SEC13: variants seen among roughly 807,000 people sequenced by gnomAD.
SEC13 encodes the protein SEC13 homolog, nuclear pore and COPII component.
A neutral mutation model predicts 49.2 loss-of-function variants in SEC13; 25 were observed. The observed-to-expected ratio is 0.51, with a 90% confidence interval of 0.37 to 0.71. The LOEUF (loss-of-function observed/expected upper bound fraction) is 0.71. Among genes scored for constraint, SEC13 ranks in the 30% least tolerant of loss-of-function variants. The probability of loss-of-function intolerance (pLI) is 0.00; values close to 1 mark genes in which losing one functional copy is unlikely to be tolerated. For missense variants in SEC13, 383 were observed against 417.6 expected (o/e 0.92, Z 0.72); for synonymous variants, 148 against 163.9 (o/e 0.90, Z 0.74).
chr3:10,311,239 G>A lies in SEC13; in HGVS notation c.450+726C>T, dbSNP rs368041659. Among the ~76,000 whole-genome samples, 45 of 152,296 alleles carry A rather than the reference G, an allele frequency of 3.0e-4. 1 individual carries two copies. In the South Asian group the frequency reaches 8.5e-3, roughly 29 times the overall value. On this transcript the variant is annotated intron_variant, in intron 5 of 8. Transcript: ENST00000350697. ...CTCTGGTGGAATGGTATCCTGTCCA[G>A]GGCTGGCTTCTGCCTCATGCCCTAA... is the stretch of plus-strand genomic sequence containing the variant.
intron 1 of SEC13, 84 bp downstream of exon 1, chr3:10,320,966 T>G (rs903656176): frequency 1.9e-6 from 3 of 1,588,720 alleles, no homozygotes; most frequent in African/African-American, 1.4e-5. Context: ...AGCTTGGGAT[T>G]TGGGACTCAG....
At chr3:10,301,649 G>C (rs1700526274) in intron 8 of SEC13, among the ~76,000 whole-genome samples, 1 of 152,218 alleles carries the variant, frequency 6.6e-6, no homozygotes, top group Non-Finnish European at 1.5e-5. Flanking sequence ...AGAGGATATG[G>C]GGTGGCGGGG....
intron 5 of SEC13, among the ~76,000 whole-genome samples, chr3:10,307,134 G>A (rs1354297495): frequency 6.6e-6 from 1 of 151,780 alleles, no homozygotes; most frequent in Non-Finnish European, 1.5e-5. Flanking sequence ...GTTCACTGCA[G>A]CCTCAAACTT....
intron 5 of SEC13, 94 bp downstream of exon 5, chr3:10,311,871 C>CGG: frequency 6.2e-7 from 1 of 1,610,094 alleles, no homozygotes. Context: ...CACTGTCCAG[C>CGG]GGGGACCCTC....
At chr3:10,313,376 C>A in intron 3 of SEC13, 1 of 522,972 alleles carries the variant, frequency 1.9e-6, no homozygotes, top group South Asian at 1.4e-5. Flanking sequence ...GGTTAGGAGA[C>A]CAGACCCATT....
Position 10,321,058 on chromosome 3 carries a change from C to T in SEC13, c.-6G>A, listed in dbSNP as rs2059768125. ...TCAGTACCAACACTCACCATGATTG[C>T]GGCGGTGGCTGCTCCAGGTCTCGGA... On this transcript the variant is annotated 5_prime_UTR_variant, in exon 1 of 9. Transcript: ENST00000350697. The surrounding 1 kb of genome is among the most constrained non-coding windows in gnomAD (Gnocchi z 4.1). The T allele has an allele frequency of 6.2e-7, 1 of 1,613,164 alleles. No homozygotes were observed.
chr3:10,314,304 A>G (rs1163056422), intron 3 of SEC13, among the ~76,000 whole-genome samples: 5 of 152,202 alleles, frequency 3.3e-5, no homozygotes, highest in Admixed American at 3.3e-4. Flanking sequence ...TTATAAAGCA[A>G]TTTATGAGAT....
intron 1 of SEC13, among the ~76,000 whole-genome samples, 197 bp from the exon 2 acceptor site, chr3:10,318,291 C>A (rs1309769269): frequency 6.6e-6 from 1 of 151,962 alleles, no homozygotes; most frequent in Non-Finnish European, 1.5e-5. Context: ...ACTTTTTGCC[C>A]TTGAGAAGCT....
In SEC13 at chr3:10,312,560, G is replaced by A. The variant is rs774589018; in HGVS notation, c.316+19C>T. ...ACCCAGTGGTCCCCTTGCCCGCTCT[G>A]CTGCCAAGCTCAGCATACCTGAGGA... On this transcript the variant is annotated intron_variant, in intron 4 of 8. Coordinates refer to ENST00000350697, the MANE Select transcript of SEC13 (RefSeq NM_183352.3). 9 of 1,613,570 alleles carry A rather than the reference G, an allele frequency of 5.6e-6. No homozygotes were observed. The South Asian group carries it at 8.8e-5, about 16-fold the overall frequency.
chr3:10,314,218 C>G (rs1286050505), intron 3 of SEC13, among the ~76,000 whole-genome samples: 1 of 152,166 alleles, frequency 6.6e-6, no homozygotes, highest in Non-Finnish European at 1.5e-5. Context: ...AGGCTCAGGC[C>G]ATCCTCCCAC....
At position 10,316,895 on chromosome 3, in the gene SEC13, G is replaced by A. The variant is rs147146419; in HGVS notation, c.48+1155C>T. ...GCACGCCTGTAATCCCAGCTACTCGGGAGTCTGGGGCAGGAGAATTACTTG... is the reference window on the plus strand; with the variant it reads ...GCACGCCTGTAATCCCAGCTACTCGAGAGTCTGGGGCAGGAGAATTACTTG... On this transcript the variant is annotated intron_variant, in intron 2 of 8. Coordinates refer to ENST00000350697, the MANE Select transcript of SEC13 (RefSeq NM_183352.3). 1.3e-3 allele frequency among the ~76,000 whole-genome samples: 204 copies of A among 152,038 alleles called. 1 individual carries two copies. Among genetic ancestry groups the A allele is most frequent in the African/African-American group, 4.8e-3 (197 of 41,428 alleles).
intron 8 of SEC13, 118 bp from the exon 9 acceptor site, chr3:10,301,492 G>T: frequency 2.3e-6 from 3 of 1,297,818 alleles, no homozygotes; most frequent in African/African-American, 1.5e-5. Flanking sequence ...GGTGAACAGA[G>T]CATGTCCCTC....
Position 10,305,068 on chromosome 3 carries a change from C to CT in SEC13, c.672_673insA (p.Gly225ArgfsTer22). On this transcript the variant is annotated frameshift_variant, in exon 7 of 9. Coordinates refer to ENST00000350697, the MANE Select transcript of SEC13 (RefSeq NM_183352.3). LOFTEE classifies it high-confidence loss of function. ...CTGGCGATGGTGCTGGTGGGCAGGC[C>CT]GATGGAGGGGGCCCAGGCCACATCT... is the stretch of plus-strand genomic sequence containing the variant. The CT allele has an allele frequency of 6.2e-7, 1 of 1,614,104 alleles. No individual in the cohort carries two copies. Among genetic ancestry groups the CT allele is most frequent in the Non-Finnish European group, 8.5e-7 (1 of 1,180,018 alleles).
intron 1 of SEC13, chr3:10,320,601 G>A: frequency 1.0e-6 from 1 of 993,710 alleles, no homozygotes; most frequent in Non-Finnish European, 1.2e-6. Context: ...TCAAATCTCG[G>A]CTCTACTACC....
Position 10,305,684 on chromosome 3 carries a change from G to A in SEC13, c.459C>T (p.Cys153=), listed in dbSNP as rs754525792. 22 of 1,614,204 alleles carry A rather than the reference G, an allele frequency of 1.4e-5. No individual in the cohort carries two copies. The highest frequency in any genetic ancestry group is 1.2e-4 in the South Asian group (11 of 91,084). Residue 153 remains cysteine (C), a synonymous_variant, in exon 6 of 9, where the codon TGC becomes TGT. Transcript: ENST00000350697. ...CAGCAGGGGCCCAGCTGACGGCATT[G>A]CAGCCAATCTGTAAAGATGGGACAC... is the stretch of plus-strand genomic sequence containing the variant. ...KKINNAHTIG[C]NAVSWAPAVV...
chr3:10,301,394 C>T lies in SEC13; in HGVS notation c.856-20G>A. The T allele has an allele frequency of 6.2e-7, 1 of 1,614,082 alleles. No homozygotes were observed. The highest frequency in any genetic ancestry group is 8.5e-7 in the Non-Finnish European group (1 of 1,180,026). ...GGTCACCTGCGAGTCAGTGCACAAG[C>T]AGATTATCACGGGTCTGTGCCCTTC... On this transcript the variant is annotated intron_variant, in intron 8 of 8. Transcript: ENST00000350697.
At chr3:10,301,943 T>TA (rs142051696) in intron 8 of SEC13, among the ~76,000 whole-genome samples, 3,611 of 151,990 alleles carry the variant, frequency 0.024, 102 homozygotes, top group East Asian at 0.11. Context: ...GAGGCTGCAT[T>TA]AAAAAAAATC....
At chr3:10,305,505 AG>A in intron 6 of SEC13, 53 bp downstream of exon 6, 4 of 1,590,202 alleles carry the variant, frequency 2.5e-6, no homozygotes, top group Non-Finnish European at 3.4e-6. Flanking sequence ...CATGGTGAGT[AG>A]GGTAAAGGGT....
chr3:10,309,351 C>T (rs746100610), intron 5 of SEC13, among the ~76,000 whole-genome samples: 4 of 152,138 alleles, frequency 2.6e-5, no homozygotes, highest in Non-Finnish European at 5.9e-5. Context: ...TTTCCAGGGA[C>T]TCCTGGTATT....
Sources: gnomAD v4.1 joint callset for allele counts (sites outside exome capture counted in the v4.1 genomes callset) on GRCh38, gnomAD v4.1.1 for gene constraint, Gnocchi (gnomAD v3.1) non-coding constraint, MANE v1.5 for transcripts, NCBI Gene and HGNC (gene_info 2026-07-23, HGNC 2026-07-21) for gene names.